Variants in CSMD1 observed in about 807,000 individuals in gnomAD.
CSMD1 encodes CUB and sushi domain-containing protein 1.
In CSMD1, 213 loss-of-function variants were observed where a neutral mutation model predicts 417.5. That is an observed-to-expected ratio of 0.51 (90% CI 0.46 to 0.57). The LOEUF is 0.57. Ranked by LOEUF, CSMD1 falls within the 20% of genes least tolerant of loss-of-function variation. CSMD1 has a pLI of 0.00. For missense variants in CSMD1, 6,923 were observed against 4,529.7 expected (o/e 1.53, Z -15.17); for synonymous variants, 2,862 against 1,736.8 (o/e 1.65, Z -16.11).
chr8:3,816,982 C>T (rs914928529), intron 5 of CSMD1, among the ~76,000 whole-genome samples: 2 of 152,146 alleles, frequency 1.3e-5, no homozygotes, highest in African/African-American at 2.4e-5. Context: ...AATGATTAAA[C>T]AGGTTCGAAC....
chr8:4,885,347 T>C (rs1803669856), intron 1 of CSMD1, among the ~76,000 whole-genome samples: 1 of 152,142 alleles, frequency 6.6e-6, no homozygotes, highest in Non-Finnish European at 1.5e-5. Context: ...CCTAATATGC[T>C]TTCTAAAACC....
intron 3 of CSMD1, among the ~76,000 whole-genome samples, chr8:4,351,793 G>C (rs556486721): frequency 6.6e-5 from 10 of 152,170 alleles, no homozygotes; most frequent in Admixed American, 6.5e-4. Flanking sequence ...TGTGCACTTG[G>C]AATCCAGCAT....
intron 7 of CSMD1, among the ~76,000 whole-genome samples, chr8:3,617,953 G>A (rs1243536324): frequency 1.3e-5 from 2 of 152,098 alleles, no homozygotes; most frequent in Non-Finnish European, 2.9e-5. Context: ...AACTCGTGAA[G>A]CATTTGATTA....
At chr8:3,196,646 T>G (rs1319043540) in intron 33 of CSMD1, among the ~76,000 whole-genome samples, 1 of 152,126 alleles carries the variant, frequency 6.6e-6, no homozygotes, top group Admixed American at 6.5e-5. Context: ...GATGAAGTGG[T>G]TGCTGATTCA....
At chr8:3,942,434 C>G (rs71521892) in intron 5 of CSMD1, among the ~76,000 whole-genome samples, 1 of 152,058 alleles carries the variant, frequency 6.6e-6, no homozygotes, top group Non-Finnish European at 1.5e-5. Context: ...TTTATGGTAC[C>G]TGAACCACAC....
chr8:4,191,011 G>C lies in CSMD1; in HGVS notation c.416-158912C>G, dbSNP rs192319283. Reference sequence around the variant, plus strand: ...AATGGATACTAGACTTAGTACTTGAGTGATGAAGTCATCTGTGCAACAAAC... The same window carrying C: ...AATGGATACTAGACTTAGTACTTGACTGATGAAGTCATCTGTGCAACAAAC... On this transcript the variant is annotated intron_variant, in intron 3 of 69. Transcript: ENST00000635120. Among the ~76,000 whole-genome samples, 5 of 152,236 alleles carry C rather than the reference G, an allele frequency of 3.3e-5. No homozygotes were observed. In the East Asian group the frequency reaches 9.6e-4, roughly 29 times the overall value.
intron 9 of CSMD1, among the ~76,000 whole-genome samples, chr8:3,575,916 A>G (rs556221028): frequency 2.0e-4 from 31 of 152,144 alleles, no homozygotes; most frequent in Middle Eastern, 3.4e-3. Flanking sequence ...TTTAACATTC[A>G]TAATTTAAAC....
At chr8:4,165,326 G>A (rs1044032010) in intron 3 of CSMD1, among the ~76,000 whole-genome samples, 1 of 152,226 alleles carries the variant, frequency 6.6e-6, no homozygotes, top group Non-Finnish European at 1.5e-5. Flanking sequence ...AGCTGTAGAA[G>A]CGCAAACACG....
intron 11 of CSMD1, among the ~76,000 whole-genome samples, chr8:3,484,584 A>C (rs770322200): frequency 2.4e-4 from 36 of 152,352 alleles, no homozygotes; most frequent in Non-Finnish European, 4.7e-4. Context: ...AAGCCCATAA[A>C]CTAGACTTCA....
chr8:3,413,673 C>A (rs1812953938), intron 12 of CSMD1, among the ~76,000 whole-genome samples: 2 of 152,188 alleles, frequency 1.3e-5, no homozygotes, highest in Admixed American at 6.5e-5. Flanking sequence ...AGTGTCACTA[C>A]TGCCTCCAAA....
At chr8:3,317,682 C>A (rs772005116) in intron 23 of CSMD1, among the ~76,000 whole-genome samples, 1 of 152,120 alleles carries the variant, frequency 6.6e-6, no homozygotes, top group South Asian at 2.1e-4. Context: ...GTTAATACTA[C>A]GTTTATTTGG....
intron 3 of CSMD1, among the ~76,000 whole-genome samples, chr8:4,056,439 A>G (rs1798695332): frequency 6.6e-6 from 1 of 150,752 alleles, no homozygotes; most frequent in African/African-American, 2.4e-5. Flanking sequence ...AACTAACATT[A>G]AAATTTATTT....
At chr8:4,500,665 T>C (rs1802215002) in intron 2 of CSMD1, among the ~76,000 whole-genome samples, 1 of 152,184 alleles carries the variant, frequency 6.6e-6, no homozygotes, top group Non-Finnish European at 1.5e-5. Flanking sequence ...GTAAATGTTC[T>C]AGCTCTGGAC....
intron 3 of CSMD1, among the ~76,000 whole-genome samples, chr8:4,044,014 G>A (rs1233345453): frequency 1.4e-5 from 2 of 144,168 alleles, no homozygotes; most frequent in Non-Finnish European, 3.1e-5. Context: ...AATAATTTTG[G>A]CAAAGCTTAA....
chr8:3,394,274 A>G (rs931653184), intron 17 of CSMD1, among the ~76,000 whole-genome samples: 7 of 147,252 alleles, frequency 4.8e-5, no homozygotes, highest in Non-Finnish European at 7.5e-5. Flanking sequence ...TGTATTCCAT[A>G]TTTTATAATA....
At chr8:3,941,936 A>G (rs1282607883) in intron 5 of CSMD1, among the ~76,000 whole-genome samples, 1 of 152,130 alleles carries the variant, frequency 6.6e-6, no homozygotes, top group Non-Finnish European at 1.5e-5. Flanking sequence ...TGGGCCAGCT[A>G]GCAAATCCTC....
intron 27 of CSMD1, among the ~76,000 whole-genome samples, chr8:3,225,974 A>T (rs1290408510): frequency 6.6e-6 from 1 of 152,212 alleles, no homozygotes; most frequent in Non-Finnish European, 1.5e-5. Context: ...CCCTTTTACA[A>T]AACCTTTATC....
At chr8:3,971,682 G>C (rs1281674284) in intron 5 of CSMD1, among the ~76,000 whole-genome samples, 3 of 152,160 alleles carry the variant, frequency 2.0e-5, no homozygotes, top group Admixed American at 2.0e-4. Flanking sequence ...TACTCAGAGG[G>C]AGAAAGGATG....
At chr8:3,773,749 G>A (rs1798746172) in intron 5 of CSMD1, among the ~76,000 whole-genome samples, 1 of 152,172 alleles carries the variant, frequency 6.6e-6, no homozygotes, top group South Asian at 2.1e-4. Context: ...GATGGGCGGT[G>A]ACACTAACCC....
Sources: gnomAD v4.1 joint callset for allele counts (sites outside exome capture counted in the v4.1 genomes callset) on GRCh38, gnomAD v4.1.1 for gene constraint, MANE v1.5 for transcripts, NCBI Gene and HGNC (gene_info 2026-07-23, HGNC 2026-07-21) for gene names.